EDEM1: variants seen among roughly 807,000 people sequenced by gnomAD.
EDEM1 encodes the protein ER degradation-enhancing alpha-mannosidase-like protein 1.
EDEM1 carries 67 observed loss-of-function variants against 74.4 expected under a neutral mutation model. The observed-to-expected ratio is 0.90, with a 90% confidence interval of 0.74 to 1.10. The LOEUF is 1.10. Among genes scored for constraint, EDEM1 ranks in the 50% least tolerant of loss-of-function variants. The probability of loss-of-function intolerance (pLI) is 0.00; values close to 1 mark genes in which losing one functional copy is unlikely to be tolerated. For synonymous variants in EDEM1, 382 were observed against 335.9 expected, an observed-to-expected ratio of 1.14 and a Z score of -1.50; for missense variants, 926 against 851.6, an observed-to-expected ratio of 1.09 and a Z score of -1.09.
intron 2 of EDEM1, among the ~76,000 whole-genome samples, chr3:5,197,348 C>G (rs1394882243): frequency 2.6e-5 from 4 of 152,192 alleles, no homozygotes; most frequent in South Asian, 4.1e-4. Context: ...ATTTTAAAGA[C>G]TCTGAGAAGT....
At position 5,205,025 on chromosome 3, in the gene EDEM1, A is replaced by G. The variant is rs1248736184; in HGVS notation, c.1043-42A>G. On this transcript the variant is annotated intron_variant, in intron 5 of 11. Coordinates refer to ENST00000256497, the MANE Select transcript of EDEM1 (RefSeq NM_014674.3). ...CCTGTCTCCATTCATGTCCTCCCCG[A>G]TGAGACAGCTGGGACCTCAAGTGCC... 7 of 1,603,790 alleles carry G rather than the reference A, an allele frequency of 4.4e-6. No homozygotes were observed. In the East Asian group the frequency reaches 1.3e-4, roughly 31 times the overall value.
At chr3:5,214,591 C>T (rs1348606865) in intron 11 of EDEM1, among the ~76,000 whole-genome samples, 1 of 152,186 alleles carries the variant, frequency 6.6e-6, no homozygotes, top group East Asian at 1.9e-4. Context: ...TTAGCCTTTG[C>T]ACCATTCTAA....
At chr3:5,188,762 A>C (rs977700959) in intron 1 of EDEM1, among the ~76,000 whole-genome samples, 1 of 152,138 alleles carries the variant, frequency 6.6e-6, no homozygotes, top group African/African-American at 2.4e-5. Flanking sequence ...CACCTCTATC[A>C]CATTGCCACA....
intron 6 of EDEM1, among the ~76,000 whole-genome samples, chr3:5,206,840 A>G (rs1436413836): frequency 1.3e-5 from 2 of 152,180 alleles, no homozygotes; most frequent in Non-Finnish European, 2.9e-5. Flanking sequence ...ATAGGCCCAT[A>G]CTATATACTG....
chr3:5,194,766 T>C (rs1450938140), intron 1 of EDEM1, among the ~76,000 whole-genome samples: 1 of 152,242 alleles, frequency 6.6e-6, no homozygotes. Flanking sequence ...TGTATTTACT[T>C]CTTTTTGTGT....
intron 2 of EDEM1, among the ~76,000 whole-genome samples, chr3:5,196,219 G>A (rs1037596645): frequency 6.6e-6 from 1 of 152,184 alleles, no homozygotes; most frequent in Admixed American, 6.5e-5. Context: ...CACTTAGGGC[G>A]GTTGAGGTGG....
Position 5,213,438 on chromosome 3 carries a change from T to A in EDEM1, c.1800T>A (p.Ser600=), listed in dbSNP as rs572918249. The A allele has an allele frequency of 6.2e-7, 1 of 1,614,142 alleles. No individual in the cohort carries two copies. The highest frequency in any genetic ancestry group is 1.3e-5 in the African/African-American group (1 of 75,018). The change falls in exon 11 of 12, where the codon TCT becomes TCA. Residue 600 remains serine (S), a synonymous_variant. Coordinates refer to ENST00000256497, the MANE Select transcript of EDEM1 (RefSeq NM_014674.3). ...LRELPWKEFF[S]EEGGQDQGGK... ...AATTGCCATGGAAGGAATTCTTCTC[T>A]GAAGAGGGAGGGCAGGACCAAGGGG...
intron 5 of EDEM1, among the ~76,000 whole-genome samples, chr3:5,204,682 A>G (rs1169466479): frequency 6.6e-6 from 1 of 152,174 alleles, no homozygotes; most frequent in Non-Finnish European, 1.5e-5. Context: ...GTGAGCCATC[A>G]TGCCTGGCCA....
chr3:5,197,082 TCCCC>T (rs2054979072), intron 2 of EDEM1, among the ~76,000 whole-genome samples: 1 of 120,022 alleles, frequency 8.3e-6, no homozygotes, highest in African/African-American at 3.1e-5. Context: ...TTTTTTTTTT[TCCCC>T]ATTTTGTTTT....
rs1432897139 is a variant in EDEM1 at position 5,218,035 on chromosome 3, A to T, written c.*2117A>T. 6.6e-6 allele frequency: 1 copy of T among 152,278 alleles called. No individual in the cohort carries two copies. Among genetic ancestry groups the T allele is most frequent in the African/African-American group, 2.4e-5 (1 of 41,466 alleles). 9.4% of individuals were successfully genotyped at this position (152,278 alleles called of 1,614,324 possible). ...AGGCACTTTGCCTGTCACTCGAGCA[A>T]GCCTGGGTGTTCCTTCCTCCTCATG... is the stretch of plus-strand genomic sequence containing the variant. On this transcript the variant is annotated 3_prime_UTR_variant, in exon 12 of 12. Transcript: ENST00000256497.
chr3:5,198,133 C>G (rs1035630895), intron 2 of EDEM1, among the ~76,000 whole-genome samples: 1 of 150,438 alleles, frequency 6.6e-6, no homozygotes, highest in Non-Finnish European at 1.5e-5. Flanking sequence ...CACCCTCCAC[C>G]TTCCCAGGGG....
chr3:5,208,546 G>A (rs1271498266), intron 8 of EDEM1, among the ~76,000 whole-genome samples: 1 of 152,088 alleles, frequency 6.6e-6, no homozygotes, highest in Non-Finnish European at 1.5e-5. Flanking sequence ...GTATTCATGA[G>A]GAAGATTTGG....
In EDEM1 at chr3:5,205,089, G is replaced by A. The variant is rs754500224; in HGVS notation, c.1065G>A (p.Thr355=). The A allele has an allele frequency of 1.3e-5, 21 of 1,613,954 alleles. No homozygotes were observed. The highest frequency in any genetic ancestry group is 7.7e-5 in the South Asian group (7 of 91,080). ...GLLGNVVNIQ[T]GHWVGKQSGL... Reference sequence around the variant, plus strand: ...CAGGCAATGTCGTGAACATTCAGACGGGCCACTGGGTTGGAAAGCAGAGTG... The same window carrying A: ...CAGGCAATGTCGTGAACATTCAGACAGGCCACTGGGTTGGAAAGCAGAGTG... The change falls in exon 6 of 12, where the codon ACG becomes ACA. Residue 355 remains threonine, a synonymous_variant. Coordinates refer to ENST00000256497, the MANE Select transcript of EDEM1 (RefSeq NM_014674.3).
At chr3:5,205,289 T>A in intron 6 of EDEM1, 48 bp downstream of exon 6, 1 of 1,568,228 alleles carries the variant, frequency 6.4e-7, no homozygotes, top group Non-Finnish European at 8.7e-7. Context: ...GCAAATAGAA[T>A]GCATTCTGAA....
chr3:5,198,098 G>A (rs2054991423), intron 2 of EDEM1, among the ~76,000 whole-genome samples: 1 of 152,034 alleles, frequency 6.6e-6, no homozygotes, highest in Non-Finnish European at 1.5e-5. Flanking sequence ...AGGCTGGAGT[G>A]CAGTGGTGAG....
intron 8 of EDEM1, among the ~76,000 whole-genome samples, 164 bp downstream of exon 8, chr3:5,208,427 G>A (rs745960262): frequency 5.9e-5 from 9 of 152,084 alleles, no homozygotes; most frequent in East Asian, 1.9e-4. Flanking sequence ...AGTGTCATTC[G>A]TAACTTCACA....
chr3:5,202,098 G>C (rs927592484), intron 4 of EDEM1, among the ~76,000 whole-genome samples, 174 bp downstream of exon 4: 11 of 152,342 alleles, frequency 7.2e-5, no homozygotes, highest in Admixed American at 2.6e-4. Flanking sequence ...AATTCATTCA[G>C]CATTTACTGA....
At chr3:5,211,516 C>T (rs2055167910) in intron 10 of EDEM1, 8 of 302,710 alleles carry the variant, frequency 2.6e-5, no homozygotes, top group Admixed American at 1.7e-4. Context: ...TACAGGTGGT[C>T]GGGGAAGACG....
At chr3:5,199,549 TC>T in intron 2 of EDEM1, 42 bp from the exon 3 acceptor site, 1 of 1,475,742 alleles carries the variant, frequency 6.8e-7, no homozygotes, top group Non-Finnish European at 9.4e-7. Flanking sequence ...AGCCTCAGTT[TC>T]ATTTCAAGTT....
Sources: allele counts gnomAD v4.1 joint callset (sites outside exome capture counted in the v4.1 genomes callset), GRCh38; gene constraint gnomAD v4.1.1; transcripts MANE v1.5; gene names NCBI Gene and HGNC (gene_info 2026-07-23, HGNC 2026-07-21).